Variants in ARHGEF25 observed in about 807,000 individuals in gnomAD.
The protein encoded by ARHGEF25 is Rho guanine nucleotide exchange factor 25, also known as RAC/CDC42 exchange factor.
Under a neutral mutation model 74.0 loss-of-function variants are expected in ARHGEF25, and 42 were observed. The observed-to-expected ratio is 0.57, with a 90% CI of 0.44 to 0.73. The LOEUF is 0.73. ARHGEF25 is among the 30% of genes least tolerant of loss of function. ARHGEF25 has a pLI of 0.00. For synonymous variants in ARHGEF25, 293 were observed against 278.6 expected (o/e 1.05, Z -0.51); for missense variants, 645 against 725.5 (o/e 0.89, Z 1.27).
At chr12:57,610,720 T>C (rs1418227395), upstream of ARHGEF25, 1 of 1,547,028 alleles carries the variant, frequency 6.5e-7, no homozygotes. Context: ...CACAGTTTGC[T>C]ATCCTGCGCC....
Position 57,616,482 on chromosome 12 carries a change from C to G in ARHGEF25, c.1619C>G (p.Pro540Arg). The change falls in exon 14 of 15, where the codon CCA becomes CGA. Residue 540 changes from proline (P) to arginine (R), a missense_variant. Around this residue, in one of 3 missense-constraint regions of ARHGEF25, gnomAD observed 262 missense variants for 256.9 expected, o/e 1.02. Coordinates refer to ENST00000286494, the MANE Select transcript of ARHGEF25 (RefSeq NM_182947.4). ...PKGEVARALL[P>R]LDKQALGDIP... ...GGGGAGGTGGCCAGAGCCCTCTTGC[C>G]ACTGGATAAACAGGTATGACGAATA... The G allele has an allele frequency of 3.1e-6, 5 of 1,614,024 alleles. No homozygotes were observed. The highest frequency in any genetic ancestry group is 4.2e-6 in the Non-Finnish European group (5 of 1,179,952).
intron 10 of ARHGEF25, 49 bp from the exon 11 acceptor site, chr12:57,615,188 A>T (rs1418047203): frequency 1.3e-6 from 2 of 1,567,188 alleles, no homozygotes; most frequent in Admixed American, 3.8e-5. Flanking sequence ...CTCTTTCCCA[A>T]TAATGACTCT....
Position 57,613,433 on chromosome 12 carries a change from C to A in ARHGEF25, c.409-7C>A. On this transcript the variant is annotated splice_region_variant and splice_polypyrimidine_tract_variant and intron_variant, in intron 3 of 14. Transcript: ENST00000286494. Reference sequence around the variant, plus strand: ...TTTGCTCACCCTAGGATGTTCTTTCCTTCCAGCCACCTGAAGAGGAGACTT... The same window carrying A: ...TTTGCTCACCCTAGGATGTTCTTTCATTCCAGCCACCTGAAGAGGAGACTT... 1 of 1,614,208 alleles carries A rather than the reference C, an allele frequency of 6.2e-7. No individual in the cohort carries two copies. The highest frequency in any genetic ancestry group is 1.1e-5 in the South Asian group (1 of 91,086).
intron 14 of ARHGEF25, 62 bp from the exon 15 acceptor site, chr12:57,616,713 TAAACTGAAA>T: frequency 2.5e-6 from 3 of 1,207,070 alleles, no homozygotes; most frequent in Non-Finnish European, 3.6e-6. Flanking sequence ...GCTAGGGACT[TAAACTGAAA>T]AGAGAGAAGT....
At position 57,614,502 on chromosome 12, in the gene ARHGEF25, A is replaced by C. The variant is rs896723775; in HGVS notation, c.727-14A>C. On this transcript the variant is annotated splice_polypyrimidine_tract_variant and intron_variant, in intron 7 of 14. Transcript: ENST00000286494. This position sits in a 1 kb window ranked among gnomAD's most constrained non-coding sequence, Gnocchi z 4.6. ...TTGCCCACCCTGCTCTCTCTTAAAC[A>C]TTACCCCTGTTAGGAGCGCCGGCTG... The C allele has an allele frequency of 1.2e-6, 2 of 1,613,968 alleles. No individual in the cohort carries two copies. The highest frequency in any genetic ancestry group is 1.1e-5 in the South Asian group (1 of 91,078).
At position 57,611,916 on chromosome 12, in the gene ARHGEF25, G is replaced by A; in HGVS notation, c.22G>A (p.Gly8Ser). 3 of 1,284,434 alleles carry A rather than the reference G, an allele frequency of 2.3e-6. No homozygotes were observed. Among genetic ancestry groups the A allele is most frequent in the South Asian group, 3.3e-5 (1 of 30,332 alleles). The allele number at this position is 1,284,434 out of a possible 1,614,324, so 79.6% of individuals were successfully genotyped here. Reference sequence around the variant, plus strand: ...CGCCATGCGGGGGGGGCACAAAGGGGGTCGCTGTGCCTGTCCCCGTGTGAT... The same window carrying A: ...CGCCATGCGGGGGGGGCACAAAGGGAGTCGCTGTGCCTGTCCCCGTGTGAT... The part of the protein sequence containing the change: MRGGHKG[G>S]RCACPRVIRK... The change falls in exon 1 of 15, where the codon GGT (glycine) becomes AGT (serine). Residue 8 changes from glycine (G) to serine (S), a missense_variant. By Grantham distance (56) the Gly-to-Ser change is moderately conservative. This residue lies in a region of ARHGEF25 where 189 missense variants were observed against 199.1 expected (regional missense o/e 0.95). Transcript: ENST00000286494. This position sits in a 1 kb window ranked among gnomAD's most constrained non-coding sequence, Gnocchi z 4.5.
upstream of ARHGEF25, chr12:57,610,234 C>T (rs1366683849): frequency 1.2e-6 from 2 of 1,600,616 alleles, no homozygotes; most frequent in South Asian, 1.1e-5. Context: ...CCCCGGACCG[C>T]CCCGCCCCTG....
rs1884177482 is a variant in ARHGEF25, at chr12:57,614,116, G to A, written c.653G>A (p.Arg218Gln). 4 of 1,613,976 alleles carry A rather than the reference G, an allele frequency of 2.5e-6. No homozygotes were observed. The highest frequency in any genetic ancestry group is 1.6e-4 in the Middle Eastern group (1 of 6,084). The change falls in exon 6 of 15, where the codon CGA (arginine) becomes CAA (glutamine). Residue 218 changes from arginine to glutamine, a missense_variant. Around this residue, in one of 3 missense-constraint regions of ARHGEF25, gnomAD observed 194 missense variants for 269.4 expected, o/e 0.72. Coordinates refer to ENST00000286494, the MANE Select transcript of ARHGEF25 (RefSeq NM_182947.4). The surrounding 1 kb of genome is among the most constrained non-coding windows in gnomAD (Gnocchi z 4.6). The part of the protein sequence containing the change: ...GNIQQIYEWH[R>Q]DYFLQELQRC... ...ATCCAGCAAATCTATGAGTGGCACCGAGAGTGAGTGGTGGAACTCTGACAG... is the reference window on the plus strand; with the variant it reads ...ATCCAGCAAATCTATGAGTGGCACCAAGAGTGAGTGGTGGAACTCTGACAG...
chr12:57,616,528 T>C (rs1565728926), intron 14 of ARHGEF25, 33 bp downstream of exon 14: 2 of 1,590,180 alleles, frequency 1.3e-6, no homozygotes, highest in Admixed American at 3.5e-5. Context: ...ATTGTAGGGA[T>C]AAAAAGGGGA....
chr12:57,614,333 A>G lies in ARHGEF25; in HGVS notation c.659A>G (p.Tyr220Cys), dbSNP rs532231407. 4 of 1,613,994 alleles carry G rather than the reference A, an allele frequency of 2.5e-6. No homozygotes were observed. In the African/African-American group the frequency reaches 4.0e-5, roughly 16 times the overall value. The change falls in exon 7 of 15, where the codon TAT becomes TGT. Residue 220 changes from tyrosine (Y) to cysteine (C), a missense_variant and splice_region_variant. Physicochemically the swap from Tyr to Cys is radical, Grantham distance 194. Transcript: ENST00000286494. This position sits in a 1 kb window ranked among gnomAD's most constrained non-coding sequence, Gnocchi z 4.6. ...IQQIYEWHRD[Y>C]FLQELQRCLK... ...TGCTTCTCTACCAACCCCTCCAGCT[A>G]TTTCTTGCAAGAGCTACAACGGTGT...
chr12:57,613,017 T>TCAGCTCTGGCCC lies in ARHGEF25; in HGVS notation c.187_198dup (p.Ser63_Pro66dup), dbSNP rs1430173158. ...GCCCCCTCTGGCCCCAGCTCTGGCC[T>TCAGCTCTGGCCC]CAGCTCTGGCCCCTGTTCCCCAGGC... On this transcript the variant is annotated inframe_insertion, in exon 2 of 15. Coordinates refer to ENST00000286494, the MANE Select transcript of ARHGEF25 (RefSeq NM_182947.4). 6.2e-7 allele frequency: 1 copy of TCAGCTCTGGCCC among 1,613,998 alleles called. No homozygotes were observed. Among genetic ancestry groups the TCAGCTCTGGCCC allele is most frequent in the Non-Finnish European group, 8.5e-7 (1 of 1,180,006 alleles).
At chr12:57,616,623 C>G (rs752151597) in intron 14 of ARHGEF25, 128 bp downstream of exon 14, 7 of 1,008,656 alleles carry the variant, frequency 6.9e-6, no homozygotes, top group Non-Finnish European at 1.0e-5. Flanking sequence ...CCATCCCTTA[C>G]GCTTCTCCCC....
rs1233057398 is a variant in ARHGEF25, at chr12:57,615,669, G to T, written c.1196G>T (p.Arg399Ile). The change falls in exon 12 of 15, where the codon AGA (arginine) becomes ATA (isoleucine). Residue 399 changes from arginine (R) to isoleucine (I), a missense_variant. This residue lies in a region of ARHGEF25 where 262 missense variants were observed against 256.9 expected (regional missense o/e 1.02). Transcript: ENST00000286494. ...AGTGAAGCCCTGGGAGGAGGAGTGA[G>T]AGGTGGAACACAGCCTGGATATGTA... is the stretch of plus-strand genomic sequence containing the variant. ...IFSEALGGGV[R>I]GGTQPGYVYK... is the part of the protein sequence containing the mutation. 10 of 1,614,158 alleles carry T rather than the reference G, an allele frequency of 6.2e-6. No individual in the cohort carries two copies. The highest frequency in any genetic ancestry group is 7.6e-6 in the Non-Finnish European group (9 of 1,180,030).
chr12:57,615,114 G>T, intron 10 of ARHGEF25, 97 bp downstream of exon 10: 1 of 1,570,692 alleles, frequency 6.4e-7, no homozygotes, highest in Non-Finnish European at 8.7e-7. Context: ...ACAGCTGTCT[G>T]GTTTTTAGGG....
In ARHGEF25 at chr12:57,614,083, T is replaced by C. The variant is rs1884175826; in HGVS notation, c.620T>C (p.Phe207Ser). Residue 207 changes from phenylalanine (F) to serine (S), a missense_variant, in exon 6 of 15, where the codon TTT becomes TCT. By Grantham distance (155) the Phe-to-Ser change is radical. Transcript: ENST00000286494. This position sits in a 1 kb window ranked among gnomAD's most constrained non-coding sequence, Gnocchi z 4.6. ...CTTCGAGGCCGTGACAGGATTGTGT[T>C]TGGGAATATCCAGCAAATCTATGAG... Reference protein sequence around the residue: ...ESLRGRDRIVFGNIQQIYEWH... With the variant: ...ESLRGRDRIVSGNIQQIYEWH... The C allele has an allele frequency of 6.2e-7, 1 of 1,613,876 alleles. No individual in the cohort carries two copies. Among genetic ancestry groups the C allele is most frequent in the Non-Finnish European group, 8.5e-7 (1 of 1,179,986 alleles).
upstream of ARHGEF25, among the ~76,000 whole-genome samples, chr12:57,610,902 C>T (rs1221287337): frequency 6.6e-6 from 1 of 152,204 alleles, no homozygotes; most frequent in African/African-American, 2.4e-5. Flanking sequence ...CGCGCCCCAC[C>T]CCTGGCCCCT....
At chr12:57,612,776 C>T in intron 1 of ARHGEF25, 154 bp from the exon 2 acceptor site, 1 of 1,483,602 alleles carries the variant, frequency 6.7e-7, no homozygotes, top group Non-Finnish European at 8.9e-7. Flanking sequence ...GTGAAATTTT[C>T]TATCCTGGCC....
upstream of ARHGEF25, chr12:57,610,773 T>G: frequency 8.6e-7 from 1 of 1,159,766 alleles, no homozygotes; most frequent in Non-Finnish European, 1.2e-6. Context: ...TAGCATAAAG[T>G]TCGCATCTAA....
In ARHGEF25 at chr12:57,611,880, G is replaced by A; in HGVS notation, c.-15G>A. ...TGGCCGGCCCGGGTGGGGGGCGCGG[G>A]GGGGCCCGGGCGCCATGCGGGGGGG... On this transcript the variant is annotated 5_prime_UTR_variant, in exon 1 of 15. Transcript: ENST00000286494. This position sits in a 1 kb window ranked among gnomAD's most constrained non-coding sequence, Gnocchi z 4.5. 2 of 1,230,808 alleles carry A rather than the reference G, an allele frequency of 1.6e-6. No individual in the cohort carries two copies. The highest frequency in any genetic ancestry group is 2.1e-6 in the Non-Finnish European group (2 of 965,422). The allele number at this position is 1,230,808 out of a possible 1,614,324, so 76.2% of individuals were successfully genotyped here. A position where few individuals can be genotyped will look rare whatever the true frequency, so the allele number is the denominator to read the frequency against.
Sources: gnomAD v4.1 joint callset for allele counts (sites outside exome capture counted in the v4.1 genomes callset) on GRCh38, gnomAD v4.1.1 for gene constraint, gnomAD v4.1.1 regional missense constraint, Gnocchi (gnomAD v3.1) non-coding constraint, MANE v1.5 for transcripts, NCBI Gene and HGNC (gene_info 2026-07-23, HGNC 2026-07-21) for gene names.